The following NPC2 variants were observed in gnomAD, a reference collection of about 807,000 sequenced individuals.
NPC2 encodes NPC intracellular cholesterol transporter 2, also known as Niemann-Pick disease type C2 protein.
NPC2 carries 14 observed loss-of-function variants against 17.0 expected under a neutral mutation model. That is an observed-to-expected ratio of 0.82 (90% confidence interval 0.54 to 1.29). The LOEUF (loss-of-function observed/expected upper bound fraction) is 1.29. Among genes scored for constraint, NPC2 ranks in the 50% most tolerant of loss-of-function variants. The pLI, the probability that NPC2 is intolerant of heterozygous loss-of-function variation, is 0.00. For synonymous variants in NPC2, 75 were observed against 69.3 expected (o/e 1.08, Z -0.41); for missense variants, 167 against 183.4 (o/e 0.91, Z 0.52).
intron 1 of NPC2, among the ~76,000 whole-genome samples, chr14:74,488,244 C>T (rs769621668): frequency 7.2e-5 from 11 of 152,204 alleles, no homozygotes; most frequent in Non-Finnish European, 1.5e-4. Context: ...TATCTTCTAT[C>T]CAGATTTTGT....
intron 3 of NPC2, 33 bp downstream of exon 3, chr14:74,484,382 G>A (rs2086686414): frequency 6.2e-7 from 1 of 1,611,860 alleles, no homozygotes. Context: ...CAGTCCCAAG[G>A]CCTCCCGTGT....
rs1376058648 is a variant in NPC2, at chr14:74,484,498, T to TA, written c.279dup (p.Lys94Ter). 1 of 1,613,966 alleles carries TA rather than the reference T, an allele frequency of 6.2e-7. No individual in the cohort carries two copies. The highest frequency in any genetic ancestry group is 1.3e-5 in the African/African-American group (1 of 74,876). ...TGGATAGGGCAGTTAATTCCACTCTTACAACCATCAGGCTCAGGAATGGGA... is the reference window on the plus strand; with the variant it reads ...TGGATAGGGCAGTTAATTCCACTCTTAACAACCATCAGGCTCAGGAATGGGA... On this transcript the variant is annotated frameshift_variant, in exon 3 of 5. Transcript: ENST00000555619. LOFTEE classifies it high-confidence loss of function.
At chr14:74,482,737 C>T (rs2086667432) in intron 3 of NPC2, among the ~76,000 whole-genome samples, 2 of 152,160 alleles carry the variant, frequency 1.3e-5, no homozygotes, top group Non-Finnish European at 2.9e-5. Context: ...GTTCATATTG[C>T]ATAACTTCAG....
At chr14:74,491,097 G>A (rs1222642531) in intron 1 of NPC2, among the ~76,000 whole-genome samples, 4 of 152,054 alleles carry the variant, frequency 2.6e-5, no homozygotes, top group South Asian at 2.1e-4. Flanking sequence ...TTTTTGAGAC[G>A]GAGTCTTGCT....
rs1347100738 is a variant in NPC2 at position 74,480,685 on chromosome 14, C to G, written c.441+17G>C. On this transcript the variant is annotated intron_variant, in intron 4 of 4. Transcript: ENST00000555619. ...TCTTCCCTCCACCCATGCCCTCTCA[C>G]CCCCAGATAGACTTACGATCTGTAC... 5 of 1,605,696 alleles carry G rather than the reference C, an allele frequency of 3.1e-6. No individual in the cohort carries two copies. Among genetic ancestry groups the G allele is most frequent in the Non-Finnish European group, 4.3e-6 (5 of 1,172,496 alleles).
At chr14:74,486,509 T>C (rs565115085) in intron 1 of NPC2, 73 bp from the exon 2 acceptor site, 11 of 1,205,498 alleles carry the variant, frequency 9.1e-6, no homozygotes, top group South Asian at 5.2e-5. Flanking sequence ...CACCACCTAA[T>C]GGGAAGGTGC....
intron 1 of NPC2, among the ~76,000 whole-genome samples, chr14:74,490,718 T>C (rs954997833): frequency 6.6e-6 from 1 of 152,248 alleles, no homozygotes; most frequent in African/African-American, 2.4e-5. Flanking sequence ...TGGTCCACTT[T>C]CTCACTTGAG....
intron 3 of NPC2, among the ~76,000 whole-genome samples, chr14:74,483,695 G>A (rs2086678332): frequency 6.6e-6 from 1 of 152,164 alleles, no homozygotes; most frequent in Admixed American, 6.5e-5. Flanking sequence ...AAACTGCTCT[G>A]TGTATATCTC....
At chr14:74,481,369 G>A (rs1255906470) in intron 3 of NPC2, among the ~76,000 whole-genome samples, 1 of 152,252 alleles carries the variant, frequency 6.6e-6, no homozygotes, top group Non-Finnish European at 1.5e-5. Context: ...CCAGAAGCAG[G>A]TGGTGGCACT....
rs536855012 is a variant in NPC2 at position 74,489,218 on chromosome 14, C to T, written c.83-2782G>A. Among the ~76,000 whole-genome samples, 5 of 152,322 alleles carry T rather than the reference C, an allele frequency of 3.3e-5. No homozygotes were observed. The South Asian group carries it at 1.0e-3, about 32-fold the overall frequency. ...TAAAGAAGAATACTGCTACCTGAGT[C>T]TGGGTTTCATTTCCTCTGAAATATT... On this transcript the variant is annotated intron_variant, in intron 1 of 4. Coordinates refer to ENST00000555619, the MANE Select transcript of NPC2 (RefSeq NM_006432.5).
intron 3 of NPC2, among the ~76,000 whole-genome samples, chr14:74,482,263 C>T (rs2086663383): frequency 6.6e-6 from 1 of 152,216 alleles, no homozygotes; most frequent in African/African-American, 2.4e-5. Flanking sequence ...AATTACTTAC[C>T]TTTCCTAGAA....
intron 1 of NPC2, among the ~76,000 whole-genome samples, chr14:74,491,898 T>G (rs533224638): frequency 1.1e-4 from 17 of 152,312 alleles, no homozygotes; most frequent in Middle Eastern, 6.8e-3. Flanking sequence ...GGTCTGCCTT[T>G]GTAGGACTAA....
chr14:74,492,034 ATCCTGCAT>A (rs1490251380), intron 1 of NPC2, among the ~76,000 whole-genome samples: 1 of 152,158 alleles, frequency 6.6e-6, no homozygotes, highest in Non-Finnish European at 1.5e-5. Flanking sequence ...TATTTTGCAG[ATCCTGCAT>A]TCCGATGCAG....
intron 1 of NPC2, among the ~76,000 whole-genome samples, chr14:74,492,524 C>G (rs1056307013): frequency 6.6e-6 from 1 of 152,168 alleles, no homozygotes; most frequent in African/African-American, 2.4e-5. Context: ...CAACATTGCT[C>G]GAGTTTCTGT....
At position 74,480,772 on chromosome 14, in the gene NPC2, A is replaced by G; in HGVS notation, c.371T>C (p.Leu124Pro). ...ATCCTGAAGTTGCCACTCCACCACC[A>G]GTTTTATCTGGAGAAAGAGAAAAAT... ...PVKSEYPSIK[L>P]VVEWQLQDDK... is the part of the protein sequence containing the mutation. The change falls in exon 4 of 5, where the codon CTG becomes CCG. Residue 124 changes from leucine to proline, a missense_variant. By Grantham distance (98) the Leu-to-Pro change is moderately conservative. Coordinates refer to ENST00000555619, the MANE Select transcript of NPC2 (RefSeq NM_006432.5). The G allele has an allele frequency of 6.2e-7, 1 of 1,613,372 alleles. No individual in the cohort carries two copies. The highest frequency in any genetic ancestry group is 1.1e-5 in the South Asian group (1 of 91,068).
Position 74,480,167 on chromosome 14 carries a change from G to A in NPC2, c.*107C>T. On this transcript the variant is annotated 3_prime_UTR_variant, in exon 5 of 5. Transcript: ENST00000555619. ...AGCACCTCCTCTTCAACGAATCACTGGATACCATTGGAGAGCAAGTCACTG... is the reference window on the plus strand; with the variant it reads ...AGCACCTCCTCTTCAACGAATCACTAGATACCATTGGAGAGCAAGTCACTG... 2 of 1,610,862 alleles carry A rather than the reference G, an allele frequency of 1.2e-6. No homozygotes were observed. The highest frequency in any genetic ancestry group is 3.4e-5 in the Admixed American group (2 of 59,650).
Position 74,480,240 on chromosome 14 carries a change from T to C in NPC2, c.*34A>G, listed in dbSNP as rs370799099. On this transcript the variant is annotated 3_prime_UTR_variant, in exon 5 of 5. Coordinates refer to ENST00000555619, the MANE Select transcript of NPC2 (RefSeq NM_006432.5). ...GGTGCTGTCAAGAGTCTCAGCAGAC[T>C]CATTGGCCAGATGCACCGAACTCAA... The C allele has an allele frequency of 6.2e-7, 1 of 1,614,010 alleles. No individual in the cohort carries two copies. Among genetic ancestry groups the C allele is most frequent in the African/African-American group, 1.3e-5 (1 of 74,900 alleles).
In NPC2 at chr14:74,486,456, T is replaced by C. The variant is rs1395272652; in HGVS notation, c.83-20A>G. The stretch of plus-strand genomic sequence containing the variant: ...CAGAACCTGCAAAAGAAAAATGAAT[T>C]GGAATAGGAGAATAGGAGGAGAAAT... On this transcript the variant is annotated intron_variant, in intron 1 of 4. Coordinates refer to ENST00000555619, the MANE Select transcript of NPC2 (RefSeq NM_006432.5). 6.4e-7 allele frequency: 1 copy of C among 1,560,132 alleles called. No individual in the cohort carries two copies. Among genetic ancestry groups the C allele is most frequent in the Non-Finnish European group, 8.7e-7 (1 of 1,148,466 alleles).
intron 4 of NPC2, 129 bp from the exon 5 acceptor site, chr14:74,480,417 TTCCTTACTCCGACA>T: frequency 2.3e-6 from 2 of 864,808 alleles, no homozygotes; most frequent in Non-Finnish European, 4.0e-6. Flanking sequence ...TGGCTGGACC[TTCCTTACTCCGACA>T]GAAAAAAACC....
Sources: allele counts gnomAD v4.1 joint callset (sites outside exome capture counted in the v4.1 genomes callset), GRCh38; gene constraint gnomAD v4.1.1; transcripts MANE v1.5; gene names NCBI Gene and HGNC (gene_info 2026-07-23, HGNC 2026-07-21).